GRID2: variants seen among roughly 807,000 people sequenced by gnomAD.
GRID2 encodes the protein glutamate ionotropic receptor delta type subunit 2.
In GRID2, 33 loss-of-function variants were observed where a neutral mutation model predicts 114.8. The observed-to-expected ratio is 0.29, with a 90% confidence interval of 0.22 to 0.38. The LOEUF (loss-of-function observed/expected upper bound fraction) is 0.38, where lower values mean the gene tolerates loss of function less well. GRID2 is among the 10% of genes least tolerant of loss of function. The pLI is 1.00. For synonymous variants in GRID2, 505 were observed against 449.9 expected (o/e 1.12, Z -1.55); for missense variants, 1,184 against 1,257.7 (o/e 0.94, Z 0.89).
intron 12 of GRID2, among the ~76,000 whole-genome samples, chr4:93,493,613 G>A (rs1727242319): frequency 6.6e-6 from 1 of 151,280 alleles, no homozygotes; most frequent in Non-Finnish European, 1.5e-5. Context: ...CTCTGAGGTT[G>A]CAGACTTTGT....
chr4:92,700,492 T>C (rs570167149), intron 2 of GRID2, among the ~76,000 whole-genome samples: 9 of 152,332 alleles, frequency 5.9e-5, no homozygotes, highest in South Asian at 2.1e-4. Flanking sequence ...ATGTGCATAG[T>C]AGGCATTTTA....
chr4:93,503,499 C>G (rs1381671536), intron 12 of GRID2, among the ~76,000 whole-genome samples: 1 of 133,822 alleles, frequency 7.5e-6, no homozygotes, highest in African/African-American at 2.8e-5. Context: ...CAACAGTCCT[C>G]GGTGTGTGAT....
At chr4:93,303,672 CCT>C (rs1462646093) in intron 8 of GRID2, among the ~76,000 whole-genome samples, 1 of 152,112 alleles carries the variant, frequency 6.6e-6, no homozygotes, top group Non-Finnish European at 1.5e-5. Flanking sequence ...TATCTGTCTG[CCT>C]CTGTGTGTTT....
At chr4:92,622,072 A>G (rs2149239171) in intron 2 of GRID2, among the ~76,000 whole-genome samples, 1 of 151,814 alleles carries the variant, frequency 6.6e-6, no homozygotes, top group South Asian at 2.1e-4. Context: ...CTCAGTAATA[A>G]TTGAGGCAAT....
At chr4:93,368,918 A>T (rs1762601766) in intron 8 of GRID2, among the ~76,000 whole-genome samples, 1 of 152,188 alleles carries the variant, frequency 6.6e-6, no homozygotes, top group Non-Finnish European at 1.5e-5. Flanking sequence ...AAAGAGAGAG[A>T]GAAAGTTTTA....
chr4:93,291,191 A>T (rs1038663852), intron 8 of GRID2, among the ~76,000 whole-genome samples: 5 of 150,698 alleles, frequency 3.3e-5, no homozygotes, highest in African/African-American at 1.2e-4. Context: ...AGTAATTTTT[A>T]AAATATTTTA....
intron 1 of GRID2, among the ~76,000 whole-genome samples, chr4:92,507,462 C>T (rs969823709): frequency 1.3e-5 from 2 of 151,176 alleles, no homozygotes; most frequent in Non-Finnish European, 3.0e-5. Flanking sequence ...AAGGGCATCA[C>T]TGTTTACTTG....
intron 2 of GRID2, among the ~76,000 whole-genome samples, chr4:93,011,216 G>A (rs1722104568): frequency 6.7e-6 from 1 of 150,126 alleles, no homozygotes; most frequent in Non-Finnish European, 1.5e-5. Flanking sequence ...GAAAATTTTT[G>A]CTGTCTGTGT....
At chr4:93,142,007 G>T (rs772100936) in intron 4 of GRID2, among the ~76,000 whole-genome samples, 1 of 152,128 alleles carries the variant, frequency 6.6e-6, no homozygotes, top group African/African-American at 2.4e-5. Flanking sequence ...CAGCACTGTG[G>T]GCAGCCAGAC....
chr4:92,598,667 A>G (rs1029187608), intron 2 of GRID2, among the ~76,000 whole-genome samples: 79 of 152,066 alleles, frequency 5.2e-4, no homozygotes, highest in African/African-American at 1.7e-3. Context: ...GTTTCTTCAC[A>G]TGTAAAATGA....
chr4:92,911,520 G>T (rs1455968494), intron 2 of GRID2, among the ~76,000 whole-genome samples: 2 of 151,806 alleles, frequency 1.3e-5, no homozygotes, highest in Non-Finnish European at 2.9e-5. Context: ...ATGCTGTATT[G>T]TTGGACTGCC....
chr4:93,189,655 T>G (rs1740778216), intron 4 of GRID2, among the ~76,000 whole-genome samples: 1 of 152,006 alleles, frequency 6.6e-6, no homozygotes, highest in East Asian at 1.9e-4. Flanking sequence ...TACCGAAGTA[T>G]CCACATATCC....
chr4:93,370,292 T>C (rs1762741220), intron 8 of GRID2, among the ~76,000 whole-genome samples: 1 of 152,098 alleles, frequency 6.6e-6, no homozygotes, highest in African/African-American at 2.4e-5. Context: ...GCAATGCTTC[T>C]TCTTAAATTT....
intron 2 of GRID2, among the ~76,000 whole-genome samples, chr4:92,596,703 A>T (rs1728970971): frequency 6.6e-6 from 1 of 151,944 alleles, no homozygotes; most frequent in African/African-American, 2.4e-5. Context: ...TAAGAAAAAA[A>T]AAAACAGCTC....
chr4:92,545,290 A>G (rs888661107), intron 1 of GRID2, among the ~76,000 whole-genome samples: 2 of 152,210 alleles, frequency 1.3e-5, no homozygotes, highest in Admixed American at 1.3e-4. Flanking sequence ...ACAATAGAGA[A>G]AAACATGGCT....
At chr4:92,839,825 A>G (rs1395986033) in intron 2 of GRID2, among the ~76,000 whole-genome samples, 2 of 152,050 alleles carry the variant, frequency 1.3e-5, no homozygotes, top group Non-Finnish European at 2.9e-5. Context: ...GTAAATATCT[A>G]TTAGATCCAT....
chr4:92,840,169 T>C (rs1046529957), intron 2 of GRID2, among the ~76,000 whole-genome samples: 1 of 152,074 alleles, frequency 6.6e-6, no homozygotes, highest in Non-Finnish European at 1.5e-5. Context: ...CTATGAAATA[T>C]ATATTTTTTC....
chr4:93,608,310 A>AATTTTTTTTTTTTTTTTTT, intron 13 of GRID2, among the ~76,000 whole-genome samples: 1 of 67,314 alleles, frequency 1.5e-5, no homozygotes. Flanking sequence ...TTTTTTTTTT[A>AATTTTTTTTTTTTTTTTTT]ATTTTTTTTT....
intron 1 of GRID2, among the ~76,000 whole-genome samples, chr4:92,368,624 C>G (rs1282204960): frequency 2.6e-5 from 4 of 151,904 alleles, no homozygotes; most frequent in Admixed American, 1.3e-4. Context: ...AGTTTATAAT[C>G]TAAGTATAAT....
Sources: gnomAD v4.1 joint callset for allele counts (sites outside exome capture counted in the v4.1 genomes callset) on GRCh38, gnomAD v4.1.1 for gene constraint, MANE v1.5 for transcripts, NCBI Gene and HGNC (gene_info 2026-07-23, HGNC 2026-07-21) for gene names.